Variants in GLB1 observed in about 807,000 individuals in gnomAD.
GLB1 encodes the protein galactosidase beta 1.
A neutral mutation model predicts 74.0 loss-of-function variants in GLB1; 56 were observed. That is an observed-to-expected ratio of 0.76 (90% CI 0.61 to 0.94). The LOEUF (loss-of-function observed/expected upper bound fraction) is 0.94. Ranked by LOEUF, GLB1 falls within the 40% of genes least tolerant of loss-of-function variation. The pLI, the probability that GLB1 is intolerant of heterozygous loss-of-function variation, is 0.00. For synonymous variants in GLB1, 323 were observed against 323.6 expected (o/e 1.00, Z 0.02); for missense variants, 787 against 845.5 (o/e 0.93, Z 0.86).
the GLB1 span, among the ~76,000 whole-genome samples, chr3:32,977,447 A>G: frequency 6.6e-6 from 1 of 152,232 alleles, no homozygotes; most frequent in East Asian, 1.9e-4. Context: ...ACCTCAAGTG[A>G]TCCACCTGCC....
chr3:33,055,956 G>A (rs950201158), intron 6 of GLB1, among the ~76,000 whole-genome samples: 10 of 151,604 alleles, frequency 6.6e-5, no homozygotes, highest in East Asian at 5.8e-4. Context: ...GACCGGGCGC[G>A]GTGGCTCACG....
At chr3:32,981,653 A>G in the GLB1 span, among the ~76,000 whole-genome samples, 1 of 151,732 alleles carries the variant, frequency 6.6e-6, no homozygotes, top group Non-Finnish European at 1.5e-5. Flanking sequence ...GCATGTGTGT[A>G]ATCTCAGCTA....
chr3:33,061,264 A>G (rs1481483899), intron 5 of GLB1, among the ~76,000 whole-genome samples: 2 of 152,106 alleles, frequency 1.3e-5, no homozygotes, highest in East Asian at 1.9e-4. Flanking sequence ...TACAAAAAAA[A>G]TTAGCCAGGC....
At position 33,014,069 on chromosome 3, in the gene GLB1, G is replaced by T. The variant is rs780714398; in HGVS notation, c.1721C>A (p.Pro574His). Reference protein sequence around the residue: ...DLPQDTFIQFPGWTKGQVWIN... With the variant: ...DLPQDTFIQFHGWTKGQVWIN... ...GAAGACACGTACCTTGGTCCATCCA[G>T]GAAACTGGATAAAGGTGTCCTGGGG... The change falls in exon 15 of 16, where the codon CCT becomes CAT. Residue 574 changes from proline to histidine, a missense_variant. Coordinates refer to ENST00000307363, the MANE Select transcript of GLB1 (RefSeq NM_000404.4). 1.9e-6 allele frequency: 3 copies of T among 1,614,192 alleles called. No individual in the cohort carries two copies. Among genetic ancestry groups the T allele is most frequent in the South Asian group, 1.1e-5 (1 of 91,082 alleles).
chr3:32,978,371 G>A, the GLB1 span, among the ~76,000 whole-genome samples: 1 of 137,916 alleles, frequency 7.3e-6, no homozygotes, highest in African/African-American at 2.6e-5. Flanking sequence ...CACAGAAACA[G>A]CATCAAAATT....
At chr3:33,087,847 C>T (rs561923229) in intron 1 of GLB1, among the ~76,000 whole-genome samples, 7 of 146,462 alleles carry the variant, frequency 4.8e-5, no homozygotes, top group Non-Finnish European at 1.0e-4. Flanking sequence ...AATATTGATG[C>T]AAAAATCCTC....
At chr3:33,048,866 C>A (rs1698853943) in intron 9 of GLB1, among the ~76,000 whole-genome samples, 1 of 152,084 alleles carries the variant, frequency 6.6e-6, no homozygotes, top group South Asian at 2.1e-4. Context: ...TTGTATTCAG[C>A]TATTCTTATC....
intron 5 of GLB1, among the ~76,000 whole-genome samples, chr3:33,059,431 A>G (rs1316119797): frequency 2.6e-5 from 4 of 152,222 alleles, no homozygotes; most frequent in Non-Finnish European, 5.9e-5. Flanking sequence ...CTCTGAAGCA[A>G]TAAAACAAAT....
chr3:33,060,767 G>A (rs182264078), intron 5 of GLB1, among the ~76,000 whole-genome samples: 3 of 152,284 alleles, frequency 2.0e-5, no homozygotes, highest in East Asian at 3.9e-4. Flanking sequence ...TCACAGGCAC[G>A]GCTGGCAGGG....
rs1696320929 is a variant in GLB1, at chr3:32,996,763, A to G, written c.*282T>C. ...ACAAATTTTATTTAACAAAAAGGTA[A>G]CATGATTCTTCCAAAATAAAAATCA... On this transcript the variant is annotated 3_prime_UTR_variant, in exon 16 of 16. Transcript: ENST00000307363. 2.2e-6 allele frequency: 1 copy of G among 453,864 alleles called. No homozygotes were observed. Among genetic ancestry groups the G allele is most frequent in the Admixed American group, 3.6e-5 (1 of 28,060 alleles). 28.1% of individuals were successfully genotyped at this position (453,864 alleles called of 1,614,324 possible). A position where few individuals can be genotyped will look rare whatever the true frequency, so the allele number is the denominator to read the frequency against.
chr3:33,023,725 A>T (rs532966995), intron 11 of GLB1, among the ~76,000 whole-genome samples: 1 of 152,068 alleles, frequency 6.6e-6, no homozygotes, highest in Non-Finnish European at 1.5e-5. Context: ...ATTGCCCTTA[A>T]CTCCTATTTA....
chr3:33,036,093 T>C (rs1698265450), intron 10 of GLB1, among the ~76,000 whole-genome samples: 1 of 152,202 alleles, frequency 6.6e-6, no homozygotes, highest in African/African-American at 2.4e-5. Flanking sequence ...GGAAGTAAGA[T>C]CCCTTCCTGG....
At chr3:33,092,863 T>C in intron 1 of GLB1, 1 of 1,610,746 alleles carries the variant, frequency 6.2e-7, no homozygotes, top group Non-Finnish European at 8.5e-7. Flanking sequence ...ATGAGCTCTG[T>C]GATCTCGGCC....
At chr3:33,025,181 G>A (rs992018325) in intron 10 of GLB1, among the ~76,000 whole-genome samples, 4 of 152,166 alleles carry the variant, frequency 2.6e-5, no homozygotes, top group East Asian at 1.9e-4. Context: ...CTGATCTCAG[G>A]TGATCCGCCC....
chr3:32,990,222 T>C, the GLB1 span, among the ~76,000 whole-genome samples: 1 of 152,202 alleles, frequency 6.6e-6, no homozygotes, highest in Non-Finnish European at 1.5e-5. Context: ...TCTGCTCTAC[T>C]CATGCCTATC....
chr3:33,047,241 T>C (rs1575446173), intron 9 of GLB1, among the ~76,000 whole-genome samples: 2 of 152,242 alleles, frequency 1.3e-5, no homozygotes, highest in East Asian at 1.9e-4. Flanking sequence ...GAAAAACAAA[T>C]GCCCCTGCAG....
chr3:33,020,527 T>C (rs958745301), intron 12 of GLB1, among the ~76,000 whole-genome samples: 2 of 152,194 alleles, frequency 1.3e-5, no homozygotes, highest in Non-Finnish European at 1.5e-5. Context: ...AATGTCTTAC[T>C]GAATCTAATT....
At chr3:33,051,721 C>G in intron 9 of GLB1, 37 bp downstream of exon 9, 3 of 1,613,714 alleles carry the variant, frequency 1.9e-6, no homozygotes, top group Non-Finnish European at 2.5e-6. Context: ...CAGAAACATT[C>G]TAGCATAAGT....
chr3:33,049,780 C>T (rs1698900655), intron 9 of GLB1, among the ~76,000 whole-genome samples: 1 of 152,144 alleles, frequency 6.6e-6, no homozygotes, highest in South Asian at 2.1e-4. Context: ...CCTCCCCTCA[C>T]CCACCCAGAC....
Sources: gnomAD v4.1 joint callset for allele counts (sites outside exome capture counted in the v4.1 genomes callset) on GRCh38, gnomAD v4.1.1 for gene constraint, MANE v1.5 for transcripts, NCBI Gene and HGNC (gene_info 2026-07-23, HGNC 2026-07-21) for gene names.